PCDHA4: variants seen among roughly 807,000 people sequenced by gnomAD.
The protein encoded by PCDHA4 is protocadherin alpha-4.
In PCDHA4, 49 loss-of-function variants were observed where a neutral mutation model predicts 61.4. The observed-to-expected ratio is 0.80, with a 90% confidence interval of 0.63 to 1.01. The LOEUF (loss-of-function observed/expected upper bound fraction) is 1.01, where lower values mean the gene tolerates loss of function less well. Among genes scored for constraint, PCDHA4 ranks in the 50% least tolerant of loss-of-function variants. The pLI, the probability that PCDHA4 is intolerant of heterozygous loss-of-function variation, is 0.00. For missense variants in PCDHA4, 1,254 were observed against 1,235.8 expected (o/e 1.01, Z -0.22); for synonymous variants, 590 against 550.3 (o/e 1.07, Z -1.01).
intron 1 of PCDHA4, among the ~76,000 whole-genome samples, chr5:140,897,765 C>T (rs1305140331): frequency 6.6e-6 from 1 of 152,216 alleles, no homozygotes; most frequent in Admixed American, 6.5e-5. Flanking sequence ...AATCGCCACA[C>T]TGACTTCCAC....
chr5:140,954,920 G>A (rs1295412224), intron 1 of PCDHA4, among the ~76,000 whole-genome samples: 2 of 152,076 alleles, frequency 1.3e-5, no homozygotes, highest in East Asian at 3.9e-4. Context: ...TATGAATTAC[G>A]TCTTTAATTA....
chr5:140,857,483 T>C lies in PCDHA4; in HGVS notation c.2385+47911T>C, dbSNP rs781790244. 2.8e-5 allele frequency: 44 copies of C among 1,598,450 alleles called. 2 individuals carry two copies. Among genetic ancestry groups the C allele is most frequent in the Non-Finnish European group, 3.2e-5 (37 of 1,167,868 alleles). On this transcript the variant is annotated intron_variant, in intron 1 of 3. Transcript: ENST00000530339. ...CTGCCACATCTTCACGGTGTCTGCG[T>C]GGGACGCGGACGCGCAGGAGAACGC...
chr5:140,923,305 G>A (rs552769255), intron 1 of PCDHA4, among the ~76,000 whole-genome samples: 3 of 152,304 alleles, frequency 2.0e-5, no homozygotes, highest in South Asian at 2.1e-4. Context: ...GGGCGTGGGG[G>A]CGCTTGGCCT....
At chr5:140,966,854 C>G in intron 1 of PCDHA4, 1 of 1,573,744 alleles carries the variant, frequency 6.4e-7, no homozygotes, top group Non-Finnish European at 8.6e-7. Context: ...GCCTCTCCTG[C>G]TGCTGTTGCT....
intron 1 of PCDHA4, chr5:140,849,906 G>A: frequency 6.3e-7 from 1 of 1,598,336 alleles, no homozygotes; most frequent in Non-Finnish European, 8.6e-7. Flanking sequence ...CAACCCGCCG[G>A]GCTGCCACAT....
At chr5:140,835,310 T>C in intron 1 of PCDHA4, 1 of 1,613,100 alleles carries the variant, frequency 6.2e-7, no homozygotes, top group Non-Finnish European at 8.5e-7. Context: ...GACATATGGA[T>C]TTTGAAGAAA....
chr5:141,009,942 C>T lies in PCDHA4; in HGVS notation c.*5C>T, dbSNP rs782819309. The T allele has an allele frequency of 6.3e-7, 1 of 1,597,438 alleles. No individual in the cohort carries two copies. The highest frequency in any genetic ancestry group is 1.1e-5 in the South Asian group (1 of 87,840). ...ACTGACAACAGTGACCAGTGAGGTCCTCAAATGGAAACAAGCCACTTAGCC... is the reference window on the plus strand; with the variant it reads ...ACTGACAACAGTGACCAGTGAGGTCTTCAAATGGAAACAAGCCACTTAGCC... On this transcript the variant is annotated 3_prime_UTR_variant, in exon 4 of 4. Coordinates refer to ENST00000530339, the MANE Select transcript of PCDHA4 (RefSeq NM_018907.4).
At chr5:140,888,870 A>G (rs2062015576) in intron 1 of PCDHA4, among the ~76,000 whole-genome samples, 1 of 152,158 alleles carries the variant, frequency 6.6e-6, no homozygotes, top group Non-Finnish European at 1.5e-5. Flanking sequence ...ATGTCTCAAC[A>G]TAAAAATTAA....
chr5:140,815,785 A>G (rs1765793335), intron 1 of PCDHA4: 1 of 152,154 alleles, frequency 6.6e-6, no homozygotes, highest in South Asian at 2.1e-4. Flanking sequence ...GATCACCTTC[A>G]GCTTTTGTTT....
chr5:140,869,219 C>A (rs543814850), intron 1 of PCDHA4: 1 of 1,613,836 alleles, frequency 6.2e-7, no homozygotes, highest in African/African-American at 1.3e-5. Context: ...TCGGAGGAGG[C>A]CAAACACGGC....
intron 1 of PCDHA4, chr5:140,870,941 C>CGGCG (rs782621545): frequency 1.2e-6 from 2 of 1,613,594 alleles, no homozygotes; most frequent in Non-Finnish European, 1.7e-6. Context: ...TTGCAGCCGG[C>CGGCG]GGCGGGCGGC....
chr5:140,821,089 A>T (rs936159198), intron 1 of PCDHA4, among the ~76,000 whole-genome samples: 1 of 152,184 alleles, frequency 6.6e-6, no homozygotes, highest in Non-Finnish European at 1.5e-5. Flanking sequence ...TGAAAATAAC[A>T]TCAACAAAAT....
chr5:140,940,549 A>G (rs1554213474), intron 1 of PCDHA4, among the ~76,000 whole-genome samples: 1 of 152,110 alleles, frequency 6.6e-6, no homozygotes, highest in Non-Finnish European at 1.5e-5. Context: ...CCTGGGCTCA[A>G]GTGATTCTCC....
chr5:140,943,094 TA>T lies in PCDHA4; in HGVS notation c.2386-35849del, dbSNP rs546939375. Among the ~76,000 whole-genome samples, 19 of 151,404 alleles carry T rather than the reference TA, an allele frequency of 1.3e-4. No individual in the cohort carries two copies. In the East Asian group the frequency reaches 3.7e-3, roughly 29 times the overall value. On this transcript the variant is annotated intron_variant, in intron 1 of 3. Coordinates refer to ENST00000530339, the MANE Select transcript of PCDHA4 (RefSeq NM_018907.4). ...CAACATGGTGAAATCCTGCCTCTAC[TA>T]AAAAATACAAAAATTAGCCAGGTGT... is the stretch of plus-strand genomic sequence containing the variant.
At position 140,807,209 on chromosome 5, in the gene PCDHA4, G is replaced by A. The variant is rs782421232; in HGVS notation, c.22G>A (p.Gly8Ser). Residue 8 changes from glycine to serine, a missense_variant, in exon 1 of 4, where the codon GGC becomes AGC. Physicochemically the swap from Gly to Ser is moderately conservative, Grantham distance 56. Transcript: ENST00000530339. ...AAAGATGGAGTTTTCCTGGGGAAGC[G>A]GCCAGGAATCCCGGCGTCTGCTGCT... MEFSWGSGQESRRLLLLL... is the reference protein window; with the variant it reads MEFSWGSSQESRRLLLLL... 2.2e-5 allele frequency: 36 copies of A among 1,613,838 alleles called. No individual in the cohort carries two copies. Among genetic ancestry groups the A allele is most frequent in the Non-Finnish European group, 3.1e-5 (36 of 1,179,840 alleles).
At chr5:140,978,897 G>A in intron 1 of PCDHA4, 52 bp from the exon 2 acceptor site, 2 of 1,612,776 alleles carry the variant, frequency 1.2e-6, no homozygotes, top group South Asian at 1.1e-5. Flanking sequence ...AGCATTCCTG[G>A]GAGAACATTG....
intron 1 of PCDHA4, chr5:140,841,947 A>T: frequency 6.2e-7 from 1 of 1,613,886 alleles, no homozygotes; most frequent in Non-Finnish European, 8.5e-7. Context: ...CCTGCGCACC[A>T]CTTATTCCTG....
At chr5:140,922,565 C>G (rs1334011438) in intron 1 of PCDHA4, among the ~76,000 whole-genome samples, 1 of 152,150 alleles carries the variant, frequency 6.6e-6, no homozygotes, top group Non-Finnish European at 1.5e-5. Context: ...GTCAGGATGA[C>G]AAGTTGCCCT....
chr5:140,917,058 C>T (rs1028478613), intron 1 of PCDHA4, among the ~76,000 whole-genome samples: 4 of 152,072 alleles, frequency 2.6e-5, no homozygotes, highest in Non-Finnish European at 5.9e-5. Context: ...TTCCCTGCTA[C>T]GACAGCACCG....
Sources: allele counts gnomAD v4.1 joint callset (sites outside exome capture counted in the v4.1 genomes callset), GRCh38; gene constraint gnomAD v4.1.1; transcripts MANE v1.5; gene names NCBI Gene and HGNC (gene_info 2026-07-23, HGNC 2026-07-21).